Variants in STK32B observed in about 807,000 individuals in gnomAD.
The protein encoded by STK32B is serine/threonine-protein kinase 32B.
STK32B carries 43 observed loss-of-function variants against 52.6 expected under a neutral mutation model. The ratio of observed to expected loss-of-function variants is 0.82; its 90% CI spans 0.64 to 1.05. STK32B has a LOEUF of 1.05. Among genes scored for constraint, STK32B ranks in the 50% least tolerant of loss-of-function variants. The pLI is 0.00. For synonymous variants in STK32B, 238 were observed against 204.3 expected, an observed-to-expected ratio of 1.17 and a Z score of -1.41; for missense variants, 621 against 534.6, an observed-to-expected ratio of 1.16 and a Z score of -1.59.
At chr4:5,468,610 C>T (rs556657896) in intron 11 of STK32B, among the ~76,000 whole-genome samples, 12 of 152,210 alleles carry the variant, frequency 7.9e-5, no homozygotes, top group South Asian at 2.1e-4. Flanking sequence ...TGGGTAAGGT[C>T]GGTGGGGGAT....
chr4:5,049,201 G>T (rs1201713076), upstream of STK32B, among the ~76,000 whole-genome samples: 16 of 143,774 alleles, frequency 1.1e-4, no homozygotes, highest in South Asian at 2.9e-3. Context: ...CTTTTCTTTT[G>T]TTTTTTTTTT....
chr4:5,133,802 T>C (rs906722062), intron 1 of STK32B, among the ~76,000 whole-genome samples: 2 of 152,204 alleles, frequency 1.3e-5, no homozygotes, highest in Non-Finnish European at 2.9e-5. Flanking sequence ...GGCTTCTGTT[T>C]ACTGAGTTGC....
At chr4:5,131,285 A>T (rs1196031825) in intron 1 of STK32B, among the ~76,000 whole-genome samples, 1 of 152,162 alleles carries the variant, frequency 6.6e-6, no homozygotes, top group East Asian at 1.9e-4. Flanking sequence ...CATCTTTTCA[A>T]TCAGCTTTCG....
intron 7 of STK32B, among the ~76,000 whole-genome samples, chr4:5,455,206 G>C (rs3821930): frequency 6.6e-6 from 1 of 152,232 alleles, no homozygotes; most frequent in Non-Finnish European, 1.5e-5. Context: ...CCCTACCAAG[G>C]ATCGGGACCC....
rs534031172 is a variant in STK32B, at chr4:5,439,602, G to A, written c.563-7071G>A. On this transcript the variant is annotated intron_variant, in intron 6 of 11. Coordinates refer to ENST00000282908, the MANE Select transcript of STK32B (RefSeq NM_018401.3). ...TCTTTTGCTGTGCAGAAGCTCTTTA[G>A]TTTAATTAGATCCCATTTGTCAATT... 1.3e-3 allele frequency among the ~76,000 whole-genome samples: 202 copies of A among 151,684 alleles called. 1 individual carries two copies. The highest frequency in any genetic ancestry group is 4.0e-3 in the African/African-American group (165 of 41,150).
chr4:5,221,270 T>A (rs957753745), intron 3 of STK32B, among the ~76,000 whole-genome samples: 2 of 152,310 alleles, frequency 1.3e-5, no homozygotes, highest in Non-Finnish European at 2.9e-5. Flanking sequence ...TGAACTATAT[T>A]CTTCACACCA....
chr4:5,185,048 A>T (rs1200187098), intron 3 of STK32B, among the ~76,000 whole-genome samples: 1 of 152,246 alleles, frequency 6.6e-6, no homozygotes, highest in Non-Finnish European at 1.5e-5. Context: ...CTCCAGCGTC[A>T]GACGTGAGGA....
intron 3 of STK32B, among the ~76,000 whole-genome samples, chr4:5,219,417 AGAG>A (rs1392807506): frequency 6.6e-6 from 1 of 152,244 alleles, no homozygotes; most frequent in Non-Finnish European, 1.5e-5. Context: ...GCCCAGAAAA[AGAG>A]AAGAGCCTTG....
intron 1 of STK32B, among the ~76,000 whole-genome samples, chr4:5,107,179 A>G (rs991950307): frequency 6.6e-6 from 1 of 152,088 alleles, no homozygotes; most frequent in Non-Finnish European, 1.5e-5. Flanking sequence ...TGTGCATGCA[A>G]GAGACCTAGG....
At position 5,371,688 on chromosome 4, in the gene STK32B, T is replaced by G. The variant is rs563191415; in HGVS notation, c.435-26519T>G. On this transcript the variant is annotated intron_variant, in intron 4 of 11. Transcript: ENST00000282908. ...AGATCATAAATATTTCAGGCTTGCATACCACAGGGTCTTTGTCAAAATTAC... is the reference window on the plus strand; with the variant it reads ...AGATCATAAATATTTCAGGCTTGCAGACCACAGGGTCTTTGTCAAAATTAC... 1.7e-3 allele frequency among the ~76,000 whole-genome samples: 261 copies of G among 152,304 alleles called. 1 individual carries two copies. Among genetic ancestry groups the G allele is most frequent in the African/African-American group, 5.1e-3 (213 of 41,556 alleles).
At chr4:5,214,847 G>A (rs1327626791) in intron 3 of STK32B, among the ~76,000 whole-genome samples, 7 of 152,126 alleles carry the variant, frequency 4.6e-5, no homozygotes, top group Non-Finnish European at 1.0e-4. Context: ...TGTGAGAGAG[G>A]TATGAACAAA....
chr4:5,081,374 T>G (rs1447837944), intron 1 of STK32B, among the ~76,000 whole-genome samples: 1 of 152,170 alleles, frequency 6.6e-6, no homozygotes, highest in Admixed American at 6.5e-5. Context: ...ACTTGAAACC[T>G]TTAAGCTTCA....
intron 1 of STK32B, among the ~76,000 whole-genome samples, chr4:5,135,805 C>A (rs1334844128): frequency 1.3e-5 from 2 of 152,116 alleles, no homozygotes; most frequent in African/African-American, 4.8e-5. Context: ...CTCACATACA[C>A]AAAAAATGCT....
At chr4:5,187,182 A>G (rs1439690860) in intron 3 of STK32B, among the ~76,000 whole-genome samples, 1 of 152,202 alleles carries the variant, frequency 6.6e-6, no homozygotes, top group Non-Finnish European at 1.5e-5. Flanking sequence ...GGATTCTTCC[A>G]GACCTGTGGG....
At chr4:5,335,046 G>A (rs1410271586) in intron 4 of STK32B, among the ~76,000 whole-genome samples, 2 of 151,052 alleles carry the variant, frequency 1.3e-5, no homozygotes, top group Non-Finnish European at 1.5e-5. Flanking sequence ...AGTTTCAGAA[G>A]GAATGGTACC....
At chr4:5,108,694 G>T (rs1320241904) in intron 1 of STK32B, among the ~76,000 whole-genome samples, 3 of 152,212 alleles carry the variant, frequency 2.0e-5, no homozygotes, top group African/African-American at 7.2e-5. Flanking sequence ...CCAGTGACTC[G>T]CAGAGTCGGT....
At chr4:5,020,555 G>A in the STK32B span, among the ~76,000 whole-genome samples, 1 of 152,160 alleles carries the variant, frequency 6.6e-6, no homozygotes, top group Non-Finnish European at 1.5e-5. Flanking sequence ...AAGAGTTCCA[G>A]CAACTTGCTG....
chr4:5,171,497 A>G (rs1719369311), intron 3 of STK32B, among the ~76,000 whole-genome samples: 1 of 152,172 alleles, frequency 6.6e-6, no homozygotes, highest in Non-Finnish European at 1.5e-5. Flanking sequence ...AGGTACAAGG[A>G]AGGTGTCCAG....
intron 3 of STK32B, among the ~76,000 whole-genome samples, chr4:5,174,170 C>G (rs1719626528): frequency 6.6e-6 from 1 of 152,130 alleles, no homozygotes; most frequent in South Asian, 2.1e-4. Context: ...CTTCCTCCAT[C>G]TTTCTATTTT....
Sources: gnomAD v4.1 joint callset for allele counts (sites outside exome capture counted in the v4.1 genomes callset) on GRCh38, gnomAD v4.1.1 for gene constraint, MANE v1.5 for transcripts, NCBI Gene and HGNC (gene_info 2026-07-23, HGNC 2026-07-21) for gene names.